Variants in GRIP1 observed in about 807,000 individuals in gnomAD.
GRIP1 encodes the protein glutamate receptor interacting protein 1.
Under a neutral mutation model 129.9 loss-of-function variants are expected in GRIP1, and 45 were observed. That is an observed-to-expected ratio of 0.35 (90% CI 0.27 to 0.44). The LOEUF is 0.44. Ranked by LOEUF, GRIP1 falls within the 20% of genes least tolerant of loss-of-function variation. The pLI is 1.00. For synonymous variants in GRIP1, 530 were observed against 520.8 expected, an observed-to-expected ratio of 1.02 and a Z score of -0.24; for missense variants, 1,196 against 1,396.8, an observed-to-expected ratio of 0.86 and a Z score of 2.29.
chr12:66,711,381 T>A (rs150138088), intron 1 of GRIP1, among the ~76,000 whole-genome samples: 113 of 152,012 alleles, frequency 7.4e-4, no homozygotes, highest in African/African-American at 2.6e-3. Context: ...AATTAAATAC[T>A]TTTTTAAAAT....
At chr12:66,643,581 G>T (rs1250168267) in intron 1 of GRIP1, among the ~76,000 whole-genome samples, 3 of 151,988 alleles carry the variant, frequency 2.0e-5, no homozygotes, top group African/African-American at 7.2e-5. Flanking sequence ...GATTGGTTTT[G>T]GTATTATTAT....
intron 1 of GRIP1, among the ~76,000 whole-genome samples, chr12:66,970,902 T>A (rs2137573559): frequency 6.6e-6 from 1 of 152,242 alleles, no homozygotes; most frequent in African/African-American, 2.4e-5. Flanking sequence ...GGAGAGTAAG[T>A]CTTTATCATA....
intron 1 of GRIP1, among the ~76,000 whole-genome samples, chr12:67,068,306 C>A (rs2043666131): frequency 6.6e-6 from 1 of 152,168 alleles, no homozygotes; most frequent in South Asian, 2.1e-4. Flanking sequence ...AAAAGGGCTG[C>A]AAGGCACCAG....
intron 16 of GRIP1, among the ~76,000 whole-genome samples, chr12:66,394,951 G>A (rs2056734434): frequency 2.0e-5 from 3 of 152,192 alleles, no homozygotes; most frequent in African/African-American, 2.4e-5. Context: ...TCTAATGTGA[G>A]TCCTATCAGT....
intron 13 of GRIP1, among the ~76,000 whole-genome samples, chr12:66,441,211 T>C (rs1246248018): frequency 6.6e-6 from 1 of 152,250 alleles, no homozygotes; most frequent in African/African-American, 2.4e-5. Flanking sequence ...ATAGTATATT[T>C]AAGCTATCAA....
chr12:66,936,673 T>C (rs552188521), intron 1 of GRIP1, among the ~76,000 whole-genome samples: 1 of 152,322 alleles, frequency 6.6e-6, no homozygotes, highest in East Asian at 1.9e-4. Context: ...ACCCCTGAGC[T>C]TGTGACTGGC....
intron 1 of GRIP1, among the ~76,000 whole-genome samples, chr12:66,834,458 C>T (rs1592889381): frequency 6.6e-6 from 1 of 152,126 alleles, no homozygotes; most frequent in African/African-American, 2.4e-5. Context: ...CAAGATAAAG[C>T]ACTGTAAAGG....
At chr12:66,431,664 A>G (rs1342656195) in intron 14 of GRIP1, among the ~76,000 whole-genome samples, 2 of 152,194 alleles carry the variant, frequency 1.3e-5, no homozygotes, top group African/African-American at 4.8e-5. Context: ...GCTCTTGGTC[A>G]CAGTCATTAC....
Position 66,392,788 on chromosome 12 carries a change from T to C in GRIP1, c.2158A>G (p.Ile720Val), listed in dbSNP as rs776669300. Residue 720 changes from isoleucine to valine, a missense_variant, in exon 18 of 25, where the codon ATC (isoleucine) becomes GTC (valine). Coordinates refer to ENST00000359742, the MANE Select transcript of GRIP1 (RefSeq NM_001366722.1). ...RTGAIHIGDR[I>V]LAINSSSLKG... ...AAGCTGCTGCTATTGATGGCTAGGA[T>C]TCGGTCTCCTATGTGGATTGCGCCA... 1 of 1,614,120 alleles carries C rather than the reference T, an allele frequency of 6.2e-7. No homozygotes were observed. The highest frequency in any genetic ancestry group is 2.2e-5 in the East Asian group (1 of 44,866).
At chr12:66,370,984 A>G (rs1262350385) in intron 23 of GRIP1, among the ~76,000 whole-genome samples, 1 of 152,114 alleles carries the variant, frequency 6.6e-6, no homozygotes, top group East Asian at 1.9e-4. Flanking sequence ...GTCTGTAATG[A>G]AAGATTAAGC....
At chr12:66,916,283 C>T (rs1592950745) in intron 1 of GRIP1, among the ~76,000 whole-genome samples, 1 of 152,274 alleles carries the variant, frequency 6.6e-6, no homozygotes, top group East Asian at 1.9e-4. Flanking sequence ...ACATCAACTC[C>T]CTGAGGCTGG....
intron 1 of GRIP1, among the ~76,000 whole-genome samples, chr12:66,780,326 A>AGT (rs2038117349): frequency 6.6e-6 from 1 of 152,180 alleles, no homozygotes; most frequent in Non-Finnish European, 1.5e-5. Flanking sequence ...TTCACTAGAG[A>AGT]GTGTTACATG....
At chr12:67,044,476 T>C (rs918341212) in intron 1 of GRIP1, among the ~76,000 whole-genome samples, 2 of 152,224 alleles carry the variant, frequency 1.3e-5, no homozygotes, top group Admixed American at 1.3e-4. Flanking sequence ...TAAAAAAATT[T>C]TCTTACAGAT....
At chr12:67,068,569 G>A (rs2043672221) in intron 1 of GRIP1, among the ~76,000 whole-genome samples, 1 of 152,020 alleles carries the variant, frequency 6.6e-6, no homozygotes, top group African/African-American at 2.4e-5. Flanking sequence ...AGCAACTTTG[G>A]GTTGGCAATG....
chr12:66,782,128 A>G (rs905612926), intron 1 of GRIP1, among the ~76,000 whole-genome samples: 3 of 152,162 alleles, frequency 2.0e-5, no homozygotes, highest in Non-Finnish European at 4.4e-5. Context: ...ATGCTGGTAC[A>G]TGGTTATGTT....
At chr12:67,044,528 G>C (rs528023565) in intron 1 of GRIP1, among the ~76,000 whole-genome samples, 1 of 152,280 alleles carries the variant, frequency 6.6e-6, no homozygotes, top group African/African-American at 2.4e-5. Flanking sequence ...ATCTTTGAAA[G>C]ATAAAGCTAC....
intron 1 of GRIP1, among the ~76,000 whole-genome samples, chr12:66,815,880 CTT>C (rs1491464984): frequency 3.3e-4 from 50 of 149,926 alleles, no homozygotes; most frequent in African/African-American, 1.2e-3. Flanking sequence ...CTCTCTCTCT[CTT>C]TCTTTCTTTC....
intron 7 of GRIP1, among the ~76,000 whole-genome samples, chr12:66,497,897 C>T (rs372216737): frequency 6.6e-6 from 1 of 152,130 alleles, no homozygotes; most frequent in African/African-American, 2.4e-5. Flanking sequence ...CCTACCTTAA[C>T]TGATGACATT....
chr12:66,715,042 T>A (rs1450408342), intron 1 of GRIP1, among the ~76,000 whole-genome samples: 2 of 152,088 alleles, frequency 1.3e-5, no homozygotes, highest in Non-Finnish European at 2.9e-5. Flanking sequence ...TTCTCCTTCC[T>A]ATGCCCACTT....
Sources: gnomAD v4.1 joint callset for allele counts (sites outside exome capture counted in the v4.1 genomes callset) on GRCh38, gnomAD v4.1.1 for gene constraint, MANE v1.5 for transcripts, NCBI Gene and HGNC (gene_info 2026-07-23, HGNC 2026-07-21) for gene names.